The following SKAP1 variants were observed in gnomAD, a reference collection of about 807,000 sequenced individuals.
The protein encoded by SKAP1 is src kinase-associated phosphoprotein 1.
A neutral mutation model predicts 58.5 loss-of-function variants in SKAP1; 44 were observed. The ratio of observed to expected loss-of-function variants is 0.75; its 90% CI spans 0.59 to 0.97. The LOEUF is 0.97. Ranked by LOEUF, SKAP1 falls within the 50% of genes least tolerant of loss-of-function variation. The pLI is 0.00. For synonymous variants in SKAP1, 127 were observed against 149.7 expected (o/e 0.85, Z 1.11); for missense variants, 390 against 435.2 (o/e 0.90, Z 0.92).
chr17:48,421,930 G>A (rs1022556239), intron 1 of SKAP1, among the ~76,000 whole-genome samples: 14 of 151,952 alleles, frequency 9.2e-5, no homozygotes, highest in Admixed American at 3.9e-4. Flanking sequence ...CCTAAAAGTC[G>A]GGCTGGGAGC....
intron 4 of SKAP1, among the ~76,000 whole-genome samples, chr17:48,312,085 G>T (rs1157583837): frequency 1.3e-5 from 2 of 152,206 alleles, no homozygotes; most frequent in African/African-American, 4.8e-5. Flanking sequence ...TCTGTTACAT[G>T]AATCACATTT....
At chr17:48,417,608 G>A (rs964268629) in intron 1 of SKAP1, among the ~76,000 whole-genome samples, 2 of 152,110 alleles carry the variant, frequency 1.3e-5, no homozygotes, top group Non-Finnish European at 2.9e-5. Context: ...AGCTGGGCGT[G>A]GTGGCACATG....
chr17:48,421,905 G>A (rs187465322), intron 1 of SKAP1, among the ~76,000 whole-genome samples: 15 of 152,190 alleles, frequency 9.9e-5, no homozygotes, highest in Admixed American at 3.9e-4. Flanking sequence ...AAGAAATGGA[G>A]ATTTTGAAAG....
intron 11 of SKAP1, among the ~76,000 whole-genome samples, chr17:48,155,106 A>G (rs759933678): frequency 2.5e-4 from 38 of 150,008 alleles, no homozygotes; most frequent in Non-Finnish European, 4.6e-4. Context: ...TGGAACAAGC[A>G]TGATGATGAT....
chr17:48,345,902 C>T lies in SKAP1; in HGVS notation c.280+3G>A, dbSNP rs1242399424. 7 of 1,600,450 alleles carry T rather than the reference C, an allele frequency of 4.4e-6. No individual in the cohort carries two copies. Among genetic ancestry groups the T allele is most frequent in the East Asian group, 4.5e-5 (2 of 44,748 alleles). ...ACCCAAAATCCAGAAGGATAACACT[C>T]ACCCTCATCCTGATAATCTGACAAA... On this transcript the variant is annotated splice_donor_region_variant and intron_variant, in intron 4 of 12. Transcript: ENST00000336915.
intron 6 of SKAP1, among the ~76,000 whole-genome samples, chr17:48,187,076 C>T (rs1030616902): frequency 3.3e-5 from 5 of 152,178 alleles, no homozygotes; most frequent in African/African-American, 1.2e-4. Flanking sequence ...GAAGAGTATC[C>T]CCTATTCGAA....
At chr17:48,147,604 A>AT (rs1222347908) in intron 11 of SKAP1, among the ~76,000 whole-genome samples, 3 of 152,116 alleles carry the variant, frequency 2.0e-5, no homozygotes, top group Non-Finnish European at 4.4e-5. Context: ...TTATGAAGAG[A>AT]TTTTCCAGAA....
At chr17:48,225,839 G>A (rs1277837305) in intron 4 of SKAP1, among the ~76,000 whole-genome samples, 1 of 152,146 alleles carries the variant, frequency 6.6e-6, no homozygotes, top group Non-Finnish European at 1.5e-5. Context: ...ATGAAGAGTT[G>A]AGAGAGATGA....
intron 4 of SKAP1, among the ~76,000 whole-genome samples, chr17:48,279,785 C>T (rs2065745063): frequency 6.6e-6 from 1 of 152,194 alleles, no homozygotes; most frequent in African/African-American, 2.4e-5. Flanking sequence ...CTCCTCCATT[C>T]CTATGGCCCA....
intron 4 of SKAP1, chr17:48,203,953 G>A (rs1217638537): frequency 1.3e-5 from 2 of 152,116 alleles, no homozygotes; most frequent in Non-Finnish European, 2.9e-5. Flanking sequence ...AAATGCTTTC[G>A]TGTATGACAC....
chr17:48,270,374 C>T (rs1268466695), intron 4 of SKAP1, among the ~76,000 whole-genome samples: 2 of 151,894 alleles, frequency 1.3e-5, no homozygotes, highest in Non-Finnish European at 2.9e-5. Flanking sequence ...GACAGAGTCT[C>T]GCTCTGTCAC....
In SKAP1 at chr17:48,287,574, T is replaced by C. The variant is rs367762576; in HGVS notation, c.280+58331A>G. 1.4e-4 allele frequency among the ~76,000 whole-genome samples: 22 copies of C among 152,324 alleles called. No homozygotes were observed. The South Asian group carries it at 4.6e-3, about 32-fold the overall frequency. On this transcript the variant is annotated intron_variant, in intron 4 of 12. Coordinates refer to ENST00000336915, the MANE Select transcript of SKAP1 (RefSeq NM_003726.4). ...AGAAAGAAAAAAAAGGAGGCATTTCTGAAAAATAAAAATGCCAATATAAAG... is the reference window on the plus strand; with the variant it reads ...AGAAAGAAAAAAAAGGAGGCATTTCCGAAAAATAAAAATGCCAATATAAAG...
At chr17:48,180,305 G>A (rs1180401181) in intron 8 of SKAP1, 57 bp from the exon 9 acceptor site, 3 of 1,343,692 alleles carry the variant, frequency 2.2e-6, no homozygotes, top group East Asian at 5.2e-5. Flanking sequence ...AATAAGACAG[G>A]AAAGGAAAGA....
chr17:48,171,734 A>T (rs374799901), intron 9 of SKAP1, among the ~76,000 whole-genome samples: 2 of 148,990 alleles, frequency 1.3e-5, no homozygotes, highest in Admixed American at 6.7e-5. Context: ...AGGATGTTAG[A>T]GTGTGTGTGT....
chr17:48,237,824 T>C (rs925823369), intron 4 of SKAP1, among the ~76,000 whole-genome samples: 8 of 151,712 alleles, frequency 5.3e-5, no homozygotes. Flanking sequence ...AAGTTTCCAA[T>C]CCACAACACA....
At chr17:48,439,664 T>G in the SKAP1 span, among the ~76,000 whole-genome samples, 1 of 152,220 alleles carries the variant, frequency 6.6e-6, no homozygotes, top group Non-Finnish European at 1.5e-5. Flanking sequence ...ATAAGCTATA[T>G]TGTTATCAGC....
chr17:48,199,924 A>C (rs2064703895), intron 4 of SKAP1, among the ~76,000 whole-genome samples: 1 of 152,120 alleles, frequency 6.6e-6, no homozygotes, highest in Non-Finnish European at 1.5e-5. Context: ...TCTTTGGTGC[A>C]TATAGCCGTG....
intron 1 of SKAP1, among the ~76,000 whole-genome samples, chr17:48,399,057 AC>A (rs1302485563): frequency 1.3e-5 from 2 of 151,290 alleles, no homozygotes; most frequent in Admixed American, 1.3e-4. Context: ...AAACCACCAA[AC>A]AAAAAATCCT....
chr17:48,167,826 C>G (rs1372805503), intron 10 of SKAP1, among the ~76,000 whole-genome samples: 1 of 152,052 alleles, frequency 6.6e-6, no homozygotes, highest in Admixed American at 6.6e-5. Flanking sequence ...CTATAAAAAA[C>G]GAACACAGAG....
Sources: gnomAD v4.1 joint callset for allele counts (sites outside exome capture counted in the v4.1 genomes callset) on GRCh38, gnomAD v4.1.1 for gene constraint, MANE v1.5 for transcripts, NCBI Gene and HGNC (gene_info 2026-07-23, HGNC 2026-07-21) for gene names.